DLG2: variants seen among roughly 807,000 people sequenced by gnomAD.
The protein encoded by DLG2 is disks large homolog 2.
Under a neutral mutation model 132.5 loss-of-function variants are expected in DLG2, and 45 were observed. The observed-to-expected ratio is 0.34, with a 90% CI of 0.27 to 0.44. DLG2 has a LOEUF of 0.44. Ranked by LOEUF, DLG2 falls within the 20% of genes least tolerant of loss-of-function variation. The pLI is 1.00. For synonymous variants in DLG2, 424 were observed against 419.6 expected, an observed-to-expected ratio of 1.01 and a Z score of -0.13; for missense variants, 1,045 against 1,196.9, an observed-to-expected ratio of 0.87 and a Z score of 1.87.
intron 6 of DLG2, among the ~76,000 whole-genome samples, chr11:84,823,581 C>CACAAA (rs2077959600): frequency 1.5e-5 from 2 of 134,404 alleles, no homozygotes; most frequent in Admixed American, 1.5e-4. Context: ...GGTTGTATAT[C>CACAAA]CACACACACA....
intron 6 of DLG2, among the ~76,000 whole-genome samples, chr11:85,028,947 T>C (rs2060781808): frequency 6.6e-6 from 1 of 152,156 alleles, no homozygotes; most frequent in Admixed American, 6.5e-5. Context: ...GTCTTCTCAG[T>C]GGCCGCTCCA....
chr11:83,965,299 A>G, intron 13 of DLG2, 25 bp downstream of exon 13: 1 of 1,587,412 alleles, frequency 6.3e-7, no homozygotes, highest in Non-Finnish European at 8.6e-7. Flanking sequence ...CTGGCATGCT[A>G]TTTGAAGATG....
chr11:84,403,832 C>G (rs773646966), intron 7 of DLG2, among the ~76,000 whole-genome samples: 7 of 152,170 alleles, frequency 4.6e-5, no homozygotes, highest in Non-Finnish European at 8.8e-5. Context: ...TATTGGTCTT[C>G]TGTTGAAAAT....
At position 85,404,047 on chromosome 11, in the gene DLG2, C is replaced by A. The variant is rs1378359219; in HGVS notation, c.41-118682G>T. Among the ~76,000 whole-genome samples the A allele has an allele frequency of 2.0e-5, 3 of 151,958 alleles. No individual in the cohort carries two copies. In the East Asian group the frequency reaches 5.8e-4, roughly 29 times the overall value. On this transcript the variant is annotated intron_variant, in intron 3 of 27. Coordinates refer to ENST00000376104, the MANE Select transcript of DLG2 (RefSeq NM_001142699.3). Reference sequence around the variant, plus strand: ...CTGTTAACATAAGTCTACAGATTTGCAGAGTAGAGGGAAACTTAACAAGCT... The same window carrying A: ...CTGTTAACATAAGTCTACAGATTTGAAGAGTAGAGGGAAACTTAACAAGCT...
chr11:83,995,204 T>C (rs2154185900), intron 11 of DLG2, among the ~76,000 whole-genome samples: 1 of 152,176 alleles, frequency 6.6e-6, no homozygotes, highest in Non-Finnish European at 1.5e-5. Flanking sequence ...TTGTCAAGGA[T>C]TTCACAGACC....
chr11:84,900,623 A>G (rs1003464071), intron 6 of DLG2, among the ~76,000 whole-genome samples: 1 of 152,072 alleles, frequency 6.6e-6, no homozygotes, highest in Non-Finnish European at 1.5e-5. Flanking sequence ...CATGCAGAGT[A>G]CTACATTTGG....
At chr11:84,779,741 A>T (rs754555106) in intron 6 of DLG2, among the ~76,000 whole-genome samples, 10 of 152,190 alleles carry the variant, frequency 6.6e-5, no homozygotes, top group Non-Finnish European at 1.2e-4. Context: ...AGAGACTATT[A>T]TGAACAACTA....
At chr11:84,375,739 C>G (rs1018645675) in intron 7 of DLG2, among the ~76,000 whole-genome samples, 4 of 151,864 alleles carry the variant, frequency 2.6e-5, no homozygotes, top group Admixed American at 2.6e-4. Flanking sequence ...TAGATCCTTG[C>G]TACCTAAAAC....
intron 7 of DLG2, among the ~76,000 whole-genome samples, chr11:84,394,927 T>C (rs989013260): frequency 4.6e-5 from 7 of 152,260 alleles, no homozygotes; most frequent in African/African-American, 1.7e-4. Flanking sequence ...GCCCTTCTCT[T>C]TTCAAATGTT....
chr11:84,023,776 C>A (rs887699439), intron 11 of DLG2, among the ~76,000 whole-genome samples: 1 of 152,068 alleles, frequency 6.6e-6, no homozygotes, highest in Non-Finnish European at 1.5e-5. Flanking sequence ...TTATTATTTA[C>A]CAGAAAATAT....
chr11:83,730,048 G>T (rs1230855084), intron 18 of DLG2, among the ~76,000 whole-genome samples: 2 of 150,906 alleles, frequency 1.3e-5, no homozygotes, highest in East Asian at 2.0e-4. Flanking sequence ...AAATACAAGA[G>T]ATTTTTAAAG....
chr11:85,322,552 C>A (rs182211877), intron 3 of DLG2, among the ~76,000 whole-genome samples: 108 of 152,238 alleles, frequency 7.1e-4, no homozygotes, highest in African/African-American at 2.5e-3. Flanking sequence ...TCATTTTCCA[C>A]AATGAAAATT....
chr11:84,802,392 G>C (rs957453703), intron 6 of DLG2, among the ~76,000 whole-genome samples: 1 of 151,770 alleles, frequency 6.6e-6, no homozygotes, highest in South Asian at 2.1e-4. Flanking sequence ...AGCAGCAGCA[G>C]CAGCAAGAAA....
chr11:83,685,513 T>C (rs905040549), intron 18 of DLG2, among the ~76,000 whole-genome samples: 28 of 152,226 alleles, frequency 1.8e-4, no homozygotes, highest in African/African-American at 6.0e-4. Flanking sequence ...CCTTGGTTTT[T>C]CTCCTACTTC....
chr11:83,507,684 T>A (rs939539793), intron 21 of DLG2, among the ~76,000 whole-genome samples: 3 of 145,044 alleles, frequency 2.1e-5, no homozygotes, highest in Non-Finnish European at 4.5e-5. Flanking sequence ...AAGTCCTTGA[T>A]GGTGGCACTA....
At chr11:84,170,693 G>C (rs1280811531) in intron 8 of DLG2, among the ~76,000 whole-genome samples, 1 of 152,188 alleles carries the variant, frequency 6.6e-6, no homozygotes, top group Non-Finnish European at 1.5e-5. Context: ...ACTGGAGACA[G>C]CACTGACCTT....
chr11:84,442,706 A>AAAG (rs1555583900), intron 7 of DLG2, among the ~76,000 whole-genome samples: 74 of 148,980 alleles, frequency 5.0e-4, no homozygotes, highest in Non-Finnish European at 8.6e-4. Flanking sequence ...TAATTAAAAA[A>AAAG]AAAGAAAGAA....
chr11:84,937,858 A>G (rs188463429), intron 6 of DLG2, among the ~76,000 whole-genome samples: 10 of 152,354 alleles, frequency 6.6e-5, no homozygotes, highest in African/African-American at 2.4e-4. Context: ...TTAAAAGTAC[A>G]GCATATGATG....
intron 16 of DLG2, among the ~76,000 whole-genome samples, chr11:83,851,698 G>T (rs2059807809): frequency 1.3e-5 from 2 of 150,700 alleles, no homozygotes; most frequent in Admixed American, 6.6e-5. Flanking sequence ...AAGGTGGGTG[G>T]ATCACGAGGT....
Sources: gnomAD v4.1 joint callset for allele counts (sites outside exome capture counted in the v4.1 genomes callset) on GRCh38, gnomAD v4.1.1 for gene constraint, MANE v1.5 for transcripts, NCBI Gene and HGNC (gene_info 2026-07-23, HGNC 2026-07-21) for gene names.